The following CSF1 variants were observed in gnomAD, a reference collection of about 807,000 sequenced individuals.
CSF1 encodes macrophage colony-stimulating factor 1.
CSF1 carries 9 observed loss-of-function variants against 48.9 expected under a neutral mutation model. The observed-to-expected ratio is 0.18, with a 90% CI of 0.11 to 0.32. The LOEUF (loss-of-function observed/expected upper bound fraction) is 0.32, where lower values mean the gene tolerates loss of function less well. Among genes scored for constraint, CSF1 ranks in the 10% least tolerant of loss-of-function variants. CSF1 has a pLI of 1.00. For missense variants in CSF1, 672 were observed against 697.9 expected, an observed-to-expected ratio of 0.96 and a Z score of 0.42; for synonymous variants, 305 against 284.1, an observed-to-expected ratio of 1.07 and a Z score of -0.74.
upstream of CSF1, chr1:109,910,604 G>T (rs1294506815): frequency 2.0e-5 from 5 of 253,614 alleles, no homozygotes; most frequent in Non-Finnish European, 8.3e-6. Context: ...TTTGCTGAAG[G>T]CTTGGAAGTG....
intron 8 of CSF1, among the ~76,000 whole-genome samples, chr1:109,927,777 A>G (rs1005229371): frequency 6.6e-6 from 1 of 152,170 alleles, no homozygotes; most frequent in Non-Finnish European, 1.5e-5. Context: ...GAGAAGTGAG[A>G]GAGAGAAACA....
chr1:109,928,331 C>T (rs770355689), intron 8 of CSF1, among the ~76,000 whole-genome samples: 3 of 152,212 alleles, frequency 2.0e-5, no homozygotes, highest in African/African-American at 4.8e-5. Context: ...TAGACTTTTC[C>T]TCTCTGGCCC....
rs779855004 is a variant in CSF1, at chr1:109,915,657, G to C, written c.186G>C (p.Ser62=). 3 of 1,613,992 alleles carry C rather than the reference G, an allele frequency of 1.9e-6. No individual in the cohort carries two copies. The South Asian group carries it at 3.3e-5, about 18-fold the overall frequency. ...AGATTGACAGTCAGATGGAGACCTC[G>C]TGCCAAATTACATTTGAGTTTGTAG... ...QRLIDSQMET[S]CQITFEFVDQ... Residue 62 remains serine, a synonymous_variant, in exon 3 of 9, where the codon TCG becomes TCC. Coordinates refer to ENST00000329608, the MANE Select transcript of CSF1 (RefSeq NM_000757.6).
chr1:109,927,496 C>T lies in CSF1; in HGVS notation c.*14-1356C>T, dbSNP rs1016818356. Among the ~76,000 whole-genome samples, 6 of 152,270 alleles carry T rather than the reference C, an allele frequency of 3.9e-5. No homozygotes were observed. In the South Asian group the frequency reaches 6.2e-4, roughly 16 times the overall value. ...GTGCCACAACACCCTTCCCACGGGTCGTCTGTCCCCAAACCCCTCGCCGTG... is the reference window on the plus strand; with the variant it reads ...GTGCCACAACACCCTTCCCACGGGTTGTCTGTCCCCAAACCCCTCGCCGTG... On this transcript the variant is annotated intron_variant, in intron 8 of 8. Coordinates refer to ENST00000329608, the MANE Select transcript of CSF1 (RefSeq NM_000757.6).
intron 4 of CSF1, among the ~76,000 whole-genome samples, chr1:109,920,544 C>T (rs1647483774): frequency 6.6e-6 from 1 of 152,176 alleles, no homozygotes; most frequent in South Asian, 2.1e-4. Flanking sequence ...ATCTCGAACT[C>T]CTGACCTCGT....
chr1:109,911,377 C>G (rs1557730132), intron 1 of CSF1, among the ~76,000 whole-genome samples: 1 of 152,250 alleles, frequency 6.6e-6, no homozygotes, highest in Non-Finnish European at 1.5e-5. Context: ...TGCCCTGCCT[C>G]TCTCCCTACC....
At chr1:109,915,354 T>C (rs1243584282) in intron 2 of CSF1, among the ~76,000 whole-genome samples, 1 of 152,210 alleles carries the variant, frequency 6.6e-6, no homozygotes, top group Non-Finnish European at 1.5e-5. Flanking sequence ...TCCTATATTC[T>C]TCTATAGACA....
intron 2 of CSF1, among the ~76,000 whole-genome samples, chr1:109,914,832 C>G (rs1372619995): frequency 6.6e-6 from 1 of 152,248 alleles, no homozygotes; most frequent in Non-Finnish European, 1.5e-5. Context: ...GGAGGGGAAG[C>G]GCTTGCCTAA....
chr1:109,924,878 A>C, intron 7 of CSF1, 50 bp downstream of exon 7: 1 of 1,562,332 alleles, frequency 6.4e-7, no homozygotes, highest in Non-Finnish European at 8.7e-7. Flanking sequence ...CTGGCTTGGG[A>C]TCTGTTTCCC....
At chr1:109,922,298 C>A in intron 5 of CSF1, 1 of 279,874 alleles carries the variant, frequency 3.6e-6, no homozygotes, top group Non-Finnish European at 6.6e-6. Flanking sequence ...GTCTTGGGAG[C>A]CCTGTAGGTA....
chr1:109,924,050 A>T lies in CSF1; in HGVS notation c.1429A>T (p.Thr477Ser). Residue 477 changes from threonine to serine, a missense_variant, in exon 6 of 9, where the codon ACT becomes TCT. Around this residue, in one of 3 missense-constraint regions of CSF1, gnomAD observed 591 missense variants for 593.6 expected, o/e 1.00. Transcript: ENST00000329608. ...PLPRFNSVPL[T>S]DTGHERQSEG... The stretch of plus-strand genomic sequence containing the variant: ...GCCCCGTTTTAACTCCGTTCCTTTG[A>T]CTGACACAGGCCATGAGAGGCAGTC... The T allele has an allele frequency of 6.2e-7, 1 of 1,614,192 alleles. No individual in the cohort carries two copies. Among genetic ancestry groups the T allele is most frequent in the Non-Finnish European group, 8.5e-7 (1 of 1,180,024 alleles).
chr1:109,914,377 G>A lies in CSF1; in HGVS notation c.158G>A (p.Arg53Gln), dbSNP rs34714942. 79 of 1,598,284 alleles carry A rather than the reference G, an allele frequency of 4.9e-5. 1 individual carries two copies. In the South Asian group the frequency reaches 5.9e-4, roughly 12 times the overall value. The change falls in exon 2 of 9, where the codon CGG becomes CAG. Residue 53 changes from arginine (R) to glutamine (Q), a missense_variant. Around this residue, in one of 3 missense-constraint regions of CSF1, gnomAD observed 28 missense variants for 58.8 expected, o/e 0.48. Coordinates refer to ENST00000329608, the MANE Select transcript of CSF1 (RefSeq NM_000757.6). ...AGTGGACACCTGCAGTCTCTGCAGC[G>A]GCTGGTGAGTGTGTGGCCATGCTGT... ...IGSGHLQSLQRLIDSQMETSC... is the reference protein window; with the variant it reads ...IGSGHLQSLQQLIDSQMETSC...
Position 109,924,145 on chromosome 1 carries a change from C to T in CSF1, c.1524C>T (p.Val508=). 1 of 1,613,730 alleles carries T rather than the reference C, an allele frequency of 6.2e-7. No homozygotes were observed. Among genetic ancestry groups the T allele is most frequent in the South Asian group, 1.1e-5 (1 of 91,052 alleles). Reference sequence around the variant, plus strand: ...TGCTGGTGCCCAGTGTCATCCTGGTCTTGCTGGCCGTCGGAGGCCTCTTGT... The same window carrying T: ...TGCTGGTGCCCAGTGTCATCCTGGTTTTGCTGGCCGTCGGAGGCCTCTTGT... ...FHLLVPSVIL[V]LLAVGGLLFY... The change falls in exon 6 of 9, where the codon GTC becomes GTT. Residue 508 remains valine (V), a synonymous_variant. Transcript: ENST00000329608.
intron 3 of CSF1, 121 bp downstream of exon 3, chr1:109,915,817 A>C: frequency 1.2e-6 from 1 of 836,650 alleles, no homozygotes; most frequent in South Asian, 1.5e-5. Flanking sequence ...GAGTGTGAGG[A>C]TCCATGGGTG....
intron 8 of CSF1, among the ~76,000 whole-genome samples, chr1:109,928,163 A>G (rs896044342): frequency 3.3e-5 from 5 of 152,226 alleles, no homozygotes; most frequent in Admixed American, 3.3e-4. Context: ...ATGCTGGGCA[A>G]GAGGACAAGG....
At chr1:109,918,446 A>G (rs1434725438) in intron 4 of CSF1, among the ~76,000 whole-genome samples, 1 of 152,222 alleles carries the variant, frequency 6.6e-6, no homozygotes, top group Admixed American at 6.5e-5. Flanking sequence ...CACAGGGGGC[A>G]GGAATGGAGG....
At chr1:109,914,489 T>C (rs1382671130) in intron 2 of CSF1, 108 bp downstream of exon 2, 2 of 1,293,168 alleles carry the variant, frequency 1.5e-6, no homozygotes, top group Admixed American at 3.1e-5. Flanking sequence ...AATAGGGCAG[T>C]GCGGGACATT....
chr1:109,916,900 C>T (rs1051922160), intron 3 of CSF1, among the ~76,000 whole-genome samples: 7 of 152,114 alleles, frequency 4.6e-5, no homozygotes, highest in African/African-American at 1.7e-4. Context: ...TTCAGCACCC[C>T]TATGTCCTGG....
chr1:109,925,194 A>C lies in CSF1; in HGVS notation c.*5A>C. 2 of 1,613,520 alleles carry C rather than the reference A, an allele frequency of 1.2e-6. No individual in the cohort carries two copies. Among genetic ancestry groups the C allele is most frequent in the Non-Finnish European group, 1.7e-6 (2 of 1,179,748 alleles). ...CAGGTGGAACTGCCAGTGTAGAGGG[A>C]ATTCTAAGGTAAGATTCTGACTTTG... On this transcript the variant is annotated 3_prime_UTR_variant, in exon 8 of 9. Coordinates refer to ENST00000329608, the MANE Select transcript of CSF1 (RefSeq NM_000757.6).
Sources: gnomAD v4.1 joint callset for allele counts (sites outside exome capture counted in the v4.1 genomes callset) on GRCh38, gnomAD v4.1.1 for gene constraint, gnomAD v4.1.1 regional missense constraint, MANE v1.5 for transcripts, NCBI Gene and HGNC (gene_info 2026-07-23, HGNC 2026-07-21) for gene names.